CSMD3: variants seen among roughly 807,000 people sequenced by gnomAD.
The protein encoded by CSMD3 is CUB and sushi domain-containing protein 3.
CSMD3 carries 177 observed loss-of-function variants against 435.2 expected under a neutral mutation model. The ratio of observed to expected loss-of-function variants is 0.41; its 90% CI spans 0.36 to 0.46. CSMD3 has a LOEUF of 0.46. Among genes scored for constraint, CSMD3 ranks in the 20% least tolerant of loss-of-function variants. The pLI is 0.34. For missense variants in CSMD3, 4,265 were observed against 4,504.6 expected (o/e 0.95, Z 1.52); for synonymous variants, 1,656 against 1,520.5 (o/e 1.09, Z -2.07).
chr8:112,833,896 G>T (rs2079948862), intron 11 of CSMD3, among the ~76,000 whole-genome samples: 1 of 151,958 alleles, frequency 6.6e-6, no homozygotes, highest in African/African-American at 2.4e-5. Context: ...CTATTTCACA[G>T]TAGATATATG....
At chr8:113,251,260 G>A (rs28361989) in intron 3 of CSMD3, among the ~76,000 whole-genome samples, 3,239 of 152,060 alleles carry the variant, frequency 0.021, 129 homozygotes, top group African/African-American at 0.074. Flanking sequence ...GAAACAGAGA[G>A]AAACAGTAGG....
At chr8:113,189,828 A>G (rs1276697239) in intron 3 of CSMD3, among the ~76,000 whole-genome samples, 1 of 151,818 alleles carries the variant, frequency 6.6e-6, no homozygotes, top group African/African-American at 2.4e-5. Context: ...GGAGAACATC[A>G]ATAATTATAG....
intron 13 of CSMD3, among the ~76,000 whole-genome samples, chr8:112,704,154 C>A (rs1168086979): frequency 2.0e-5 from 3 of 151,926 alleles, no homozygotes; most frequent in Non-Finnish European, 2.9e-5. Context: ...CTCTCTCTCT[C>A]TCTTTTTTAG....
intron 1 of CSMD3, among the ~76,000 whole-genome samples, chr8:113,355,192 A>G (rs1459925702): frequency 1.3e-5 from 2 of 152,154 alleles, no homozygotes; most frequent in Non-Finnish European, 2.9e-5. Flanking sequence ...TAACAACTTG[A>G]AAATTCTATC....
At chr8:112,811,189 A>G (rs1203253193) in intron 12 of CSMD3, among the ~76,000 whole-genome samples, 1 of 152,190 alleles carries the variant, frequency 6.6e-6, no homozygotes, top group East Asian at 1.9e-4. Flanking sequence ...ACAGCAATAC[A>G]CATAATTTAA....
chr8:113,189,867 T>C (rs2092559302), intron 3 of CSMD3, among the ~76,000 whole-genome samples: 1 of 151,840 alleles, frequency 6.6e-6, no homozygotes, highest in Admixed American at 6.6e-5. Context: ...TCATGTTTTG[T>C]TTTCTGGGAT....
At chr8:112,895,712 T>C (rs765003452) in intron 10 of CSMD3, among the ~76,000 whole-genome samples, 33 of 151,464 alleles carry the variant, frequency 2.2e-4, no homozygotes, top group Admixed American at 7.9e-4. Context: ...AAAAATAAAG[T>C]GTTAATGTTA....
At chr8:113,276,299 A>G (rs1025484727) in intron 3 of CSMD3, among the ~76,000 whole-genome samples, 1 of 152,102 alleles carries the variant, frequency 6.6e-6, no homozygotes, top group Non-Finnish European at 1.5e-5. Flanking sequence ...AGCCAATCAC[A>G]CGGACTTTAA....
chr8:112,775,342 T>C (rs2078219119), intron 13 of CSMD3, among the ~76,000 whole-genome samples: 1 of 151,888 alleles, frequency 6.6e-6, no homozygotes, highest in African/African-American at 2.4e-5. Context: ...TGTCATAGCA[T>C]AAATCCAAAA....
intron 3 of CSMD3, among the ~76,000 whole-genome samples, chr8:113,194,736 A>C (rs2092631224): frequency 6.6e-6 from 1 of 151,204 alleles, no homozygotes; most frequent in East Asian, 1.9e-4. Context: ...AAATTTTTCG[A>C]AAAAACCCCT....
intron 23 of CSMD3, among the ~76,000 whole-genome samples, chr8:112,578,728 G>T (rs1830128195): frequency 6.6e-6 from 1 of 152,010 alleles, no homozygotes; most frequent in Non-Finnish European, 1.5e-5. Flanking sequence ...AAAATTTGAG[G>T]CTTTGAGAAG....
chr8:113,194,935 A>G (rs1242554521), intron 3 of CSMD3, among the ~76,000 whole-genome samples: 4 of 151,126 alleles, frequency 2.6e-5, no homozygotes, highest in African/African-American at 9.7e-5. Context: ...ATATTTCATT[A>G]AAGTGTTGGC....
At chr8:112,766,962 A>T (rs2077995000) in intron 13 of CSMD3, among the ~76,000 whole-genome samples, 2 of 151,868 alleles carry the variant, frequency 1.3e-5, no homozygotes, top group South Asian at 4.1e-4. Flanking sequence ...CTTAGCTTGT[A>T]AGACTTTTAG....
chr8:113,388,248 C>T (rs932489911), intron 1 of CSMD3, among the ~76,000 whole-genome samples: 1 of 151,172 alleles, frequency 6.6e-6, no homozygotes, highest in Admixed American at 6.6e-5. Flanking sequence ...CATAATAGTT[C>T]CCATGAAAAA....
intron 23 of CSMD3, among the ~76,000 whole-genome samples, chr8:112,580,345 A>T (rs376429517): frequency 6.2e-4 from 95 of 152,150 alleles, no homozygotes; most frequent in African/African-American, 2.1e-3. Flanking sequence ...CTAGAGAAAC[A>T]TTCCCTAGAT....
In CSMD3 at chr8:112,384,419, T is replaced by C. The variant is rs1829756068; in HGVS notation, c.5935-756A>G. On this transcript the variant is annotated intron_variant, in intron 36 of 70. Transcript: ENST00000297405. ...TTTAGAGAAAGATGCATGTGTTACT[T>C]TATTGCACATCACTTGGCACAGCTT... 1.3e-5 allele frequency among the ~76,000 whole-genome samples: 2 copies of C among 152,198 alleles called. 1 individual carries two copies. The highest frequency in any genetic ancestry group is 4.1e-4 in the South Asian group (2 of 4,834).
chr8:113,359,862 A>G (rs1180840951), intron 1 of CSMD3, among the ~76,000 whole-genome samples: 1 of 152,236 alleles, frequency 6.6e-6, no homozygotes, highest in Non-Finnish European at 1.5e-5. Flanking sequence ...TTATAAATAT[A>G]GAAAGTATTC....
At chr8:113,087,084 T>C (rs1000699472) in intron 5 of CSMD3, among the ~76,000 whole-genome samples, 5 of 152,186 alleles carry the variant, frequency 3.3e-5, no homozygotes, top group African/African-American at 1.2e-4. Flanking sequence ...TTAAGAGTCA[T>C]TTTCCACTCC....
At chr8:112,742,821 T>C (rs1446206129) in intron 13 of CSMD3, among the ~76,000 whole-genome samples, 1 of 151,992 alleles carries the variant, frequency 6.6e-6, no homozygotes, top group East Asian at 1.9e-4. Flanking sequence ...GAAGACTGAC[T>C]ACTGAGTATG....
Sources: allele counts gnomAD v4.1 joint callset (sites outside exome capture counted in the v4.1 genomes callset), GRCh38; gene constraint gnomAD v4.1.1; transcripts MANE v1.5; gene names NCBI Gene and HGNC (gene_info 2026-07-23, HGNC 2026-07-21).